The following GUCY1B1 variants were observed in gnomAD, a reference collection of about 807,000 sequenced individuals.
GUCY1B1 encodes the protein guanylate cyclase 1 soluble subunit beta 1.
Under a neutral mutation model 71.0 loss-of-function variants are expected in GUCY1B1, and 43 were observed. That is an observed-to-expected ratio of 0.61 (90% CI 0.47 to 0.78). The LOEUF is 0.78. Ranked by LOEUF, GUCY1B1 falls within the 30% of genes least tolerant of loss-of-function variation. The probability of loss-of-function intolerance (pLI) is 0.00; values close to 1 mark genes in which losing one functional copy is unlikely to be tolerated. For synonymous variants in GUCY1B1, 266 were observed against 259.7 expected (o/e 1.02, Z -0.23); for missense variants, 535 against 754.1 (o/e 0.71, Z 3.40).
rs895539698 is a variant in GUCY1B1 at position 155,806,445 on chromosome 4, G to A, written c.*36G>A. On this transcript the variant is annotated 3_prime_UTR_variant, in exon 14 of 14. Coordinates refer to ENST00000264424, the MANE Select transcript of GUCY1B1 (RefSeq NM_000857.5). ...ATGGGGTGAAGAGGAGTACAGACTAGGTTCCAGTTTTCTCCTAACACGTGC... is the reference window on the plus strand; with the variant it reads ...ATGGGGTGAAGAGGAGTACAGACTAAGTTCCAGTTTTCTCCTAACACGTGC... 3.3e-6 allele frequency: 5 copies of A among 1,535,098 alleles called. No individual in the cohort carries two copies. The African/African-American group carries it at 6.8e-5, about 21-fold the overall frequency.
At position 155,791,743 on chromosome 4, in the gene GUCY1B1, G is replaced by GA. The variant is rs70954059; in HGVS notation, c.495+1845dup. 8.4e-3 allele frequency among the ~76,000 whole-genome samples: 504 copies of GA among 60,016 alleles called. 3 individuals are homozygous for GA. The highest frequency in any genetic ancestry group is 0.024 in the East Asian group (33 of 1,358). The allele number at this position is 60,016 out of a possible 152,430, so 39.4% of individuals were successfully genotyped here. Reference sequence around the variant, plus strand: ...GAGACTCCATTATCAAAAAAATAGAGAAAAAAAAAAAAATAAAGCAAAACA... The same window carrying GA: ...GAGACTCCATTATCAAAAAAATAGAGAAAAAAAAAAAAAATAAAGCAAAACA... On this transcript the variant is annotated intron_variant, in intron 5 of 13. Coordinates refer to ENST00000264424, the MANE Select transcript of GUCY1B1 (RefSeq NM_000857.5).
intron 8 of GUCY1B1, among the ~76,000 whole-genome samples, chr4:155,799,573 G>A (rs181335407): frequency 6.6e-5 from 10 of 152,284 alleles, no homozygotes; most frequent in African/African-American, 2.4e-4. Context: ...ATTACAGCCT[G>A]TGTTAAATAC....
intron 2 of GUCY1B1, among the ~76,000 whole-genome samples, chr4:155,766,069 C>T (rs1445777260): frequency 2.0e-5 from 3 of 152,118 alleles, no homozygotes; most frequent in Non-Finnish European, 4.4e-5. Flanking sequence ...CTCCCTCTCT[C>T]TATGTATTCA....
chr4:155,798,989 C>T (rs1739759166), intron 8 of GUCY1B1, among the ~76,000 whole-genome samples: 1 of 152,066 alleles, frequency 6.6e-6, no homozygotes, highest in South Asian at 2.1e-4. Flanking sequence ...AGGCGCTAGC[C>T]ACCACACCCA....
intron 2 of GUCY1B1, among the ~76,000 whole-genome samples, chr4:155,770,100 T>G (rs906496729): frequency 1.3e-5 from 2 of 152,180 alleles, no homozygotes; most frequent in Admixed American, 6.6e-5. Flanking sequence ...TTAAAAGTTA[T>G]GGGATAGCAA....
At chr4:155,796,608 C>G in intron 8 of GUCY1B1, 98 bp downstream of exon 8, 1 of 779,748 alleles carries the variant, frequency 1.3e-6, no homozygotes, top group Non-Finnish European at 2.0e-6. Flanking sequence ...TACATATTCT[C>G]TGAGGTGTAA....
intron 2 of GUCY1B1, among the ~76,000 whole-genome samples, chr4:155,771,270 C>CA (rs1470990336): frequency 6.6e-6 from 1 of 152,156 alleles, no homozygotes; most frequent in African/African-American, 2.4e-5. Flanking sequence ...GGAGCATTGA[C>CA]ACTGGTCATT....
chr4:155,775,674 T>C (rs560650790), intron 3 of GUCY1B1, among the ~76,000 whole-genome samples: 1 of 152,306 alleles, frequency 6.6e-6, no homozygotes, highest in Admixed American at 6.5e-5. Flanking sequence ...ACAACATCAG[T>C]TGTGGTGTCA....
chr4:155,783,823 T>C (rs1738591787), intron 4 of GUCY1B1, among the ~76,000 whole-genome samples: 1 of 152,238 alleles, frequency 6.6e-6, no homozygotes, highest in African/African-American at 2.4e-5. Context: ...CCATTCACTT[T>C]ATTTTTAACT....
At chr4:155,777,284 AGCTGAAAAACTGGTT>A (rs1738118217) in intron 3 of GUCY1B1, among the ~76,000 whole-genome samples, 1 of 152,244 alleles carries the variant, frequency 6.6e-6, no homozygotes, top group Non-Finnish European at 1.5e-5. Flanking sequence ...TTGTAATAGA[AGCTGAAAAACTGGTT>A]GCTTTGCTTG....
At chr4:155,780,457 G>C (rs1479151745) in intron 4 of GUCY1B1, among the ~76,000 whole-genome samples, 1 of 152,010 alleles carries the variant, frequency 6.6e-6, no homozygotes. Context: ...ATTTTCATAG[G>C]ACACTCTATT....
At chr4:155,763,862 A>T (rs1737159327) in intron 2 of GUCY1B1, among the ~76,000 whole-genome samples, 1 of 152,228 alleles carries the variant, frequency 6.6e-6, no homozygotes, top group Non-Finnish European at 1.5e-5. Context: ...TGCTTAACAT[A>T]GTTCTTGACA....
chr4:155,762,572 C>G (rs1737070151), intron 2 of GUCY1B1, among the ~76,000 whole-genome samples: 2 of 152,066 alleles, frequency 1.3e-5, no homozygotes, highest in South Asian at 4.1e-4. Context: ...GCCAAAAATG[C>G]TTCATTGTAA....
chr4:155,772,588 T>G (rs1737767618), intron 2 of GUCY1B1: 1 of 606,302 alleles, frequency 1.6e-6, no homozygotes, highest in East Asian at 2.9e-5. Context: ...GCCTAATTTT[T>G]TTTTTATTTC....
chr4:155,796,327 T>C lies in GUCY1B1; in HGVS notation c.844-50T>C, dbSNP rs556596016. On this transcript the variant is annotated intron_variant, in intron 7 of 13. Transcript: ENST00000264424. ...TATGCGTGTCCTTGTTGCTGAATTC[T>C]TAGGTAGGGAGAAAGGCATTCATTA... 6 of 1,560,474 alleles carry C rather than the reference T, an allele frequency of 3.8e-6. No homozygotes were observed. In the East Asian group the frequency reaches 1.3e-4, roughly 35 times the overall value.
In GUCY1B1 at chr4:155,800,268, T is replaced by C. The variant is rs1272624427; in HGVS notation, c.1175+194T>C. 2.0e-5 allele frequency among the ~76,000 whole-genome samples: 3 copies of C among 152,240 alleles called. No homozygotes were observed. The East Asian group carries it at 5.8e-4, about 29-fold the overall frequency. ...ACCAGTCTTAATGGTGGTGGAAATATGTCTGCTATTTTTAGAAGCCAAGTT... is the reference window on the plus strand; with the variant it reads ...ACCAGTCTTAATGGTGGTGGAAATACGTCTGCTATTTTTAGAAGCCAAGTT... On this transcript the variant is annotated intron_variant, in intron 9 of 13. Transcript: ENST00000264424.
At position 155,803,755 on chromosome 4, in the gene GUCY1B1, A is replaced by G. The variant is rs957485564; in HGVS notation, c.1545A>G (p.Glu515=). 1 of 1,587,936 alleles carries G rather than the reference A, an allele frequency of 6.3e-7. No homozygotes were observed. Among genetic ancestry groups the G allele is most frequent in the Non-Finnish European group, 8.6e-7 (1 of 1,167,838 alleles). Residue 515 remains glutamate, a synonymous_variant, in exon 11 of 14, where the codon GAA becomes GAG. Transcript: ENST00000264424. ...EIAGQVQVDG[E]SVQITIGIHT... ...CTGGCCAGGTTCAAGTAGATGGTGA[A>G]TCTGTTCAGGTTAGTAAATGAAGTA...
chr4:155,796,314 T>G, intron 7 of GUCY1B1, 63 bp from the exon 8 acceptor site: 1 of 1,462,266 alleles, frequency 6.8e-7, no homozygotes, highest in South Asian at 1.2e-5. Context: ...TGCGTGTCCT[T>G]GTTGCTGAAT....
At chr4:155,783,871 C>T (rs1169150477) in intron 4 of GUCY1B1, among the ~76,000 whole-genome samples, 1 of 152,130 alleles carries the variant, frequency 6.6e-6, no homozygotes, top group African/African-American at 2.4e-5. Flanking sequence ...TCAGCATCCA[C>T]AACGCCAATT....
Sources: allele counts gnomAD v4.1 joint callset (sites outside exome capture counted in the v4.1 genomes callset), GRCh38; gene constraint gnomAD v4.1.1; transcripts MANE v1.5; gene names NCBI Gene and HGNC (gene_info 2026-07-23, HGNC 2026-07-21).